ADAMTS20: variants seen among roughly 807,000 people sequenced by gnomAD.
ADAMTS20 encodes the protein ADAM metallopeptidase with thrombospondin type 1 motif 20.
A neutral mutation model predicts 260.1 loss-of-function variants in ADAMTS20; 225 were observed. That is an observed-to-expected ratio of 0.87 (90% confidence interval 0.78 to 0.97). The LOEUF is 0.97. Among genes scored for constraint, ADAMTS20 ranks in the 50% least tolerant of loss-of-function variants. The probability of loss-of-function intolerance (pLI) is 0.00; values close to 1 mark genes in which losing one functional copy is unlikely to be tolerated. For missense variants in ADAMTS20, 2,400 were observed against 2,337.7 expected (o/e 1.03, Z -0.55); for synonymous variants, 802 against 769.5 (o/e 1.04, Z -0.70).
At chr12:43,526,407 G>A (rs989478268) in intron 3 of ADAMTS20, among the ~76,000 whole-genome samples, 13 of 152,040 alleles carry the variant, frequency 8.6e-5, no homozygotes, top group Non-Finnish European at 1.5e-4. Context: ...GTGGTGAGCC[G>A]AGATCGTGCC....
Position 43,468,062 on chromosome 12 carries a change from T to C in ADAMTS20, c.1223+538A>G, listed in dbSNP as rs1377186454. On this transcript the variant is annotated intron_variant, in intron 8 of 38. Transcript: ENST00000389420. ...ATTCTTACAACACAGAACCCCAGCA[T>C]ATTTTTCAGTAATACAGGAAAAGGT... 3.3e-5 allele frequency among the ~76,000 whole-genome samples: 5 copies of C among 152,270 alleles called. No homozygotes were observed. The East Asian group carries it at 5.8e-4, about 18-fold the overall frequency.
rs1397567603 is a variant in ADAMTS20, at chr12:43,493,254, C to T, written c.868-1G>A. ...TTGGATCTTTGTAGATTGTTGCAAC[C>T]TGCATGTAAAAAAAATGTAGGATTA... On this transcript the variant is annotated splice_acceptor_variant, in intron 4 of 38. Coordinates refer to ENST00000389420, the MANE Select transcript of ADAMTS20 (RefSeq NM_025003.5). LOFTEE classifies it high-confidence loss of function. 4 of 1,537,776 alleles carry T rather than the reference C, an allele frequency of 2.6e-6. No homozygotes were observed. The highest frequency in any genetic ancestry group is 3.5e-6 in the Non-Finnish European group (4 of 1,140,384).
intron 28 of ADAMTS20, among the ~76,000 whole-genome samples, chr12:43,410,702 TA>T (rs1007726050): frequency 4.3e-4 from 65 of 152,184 alleles, no homozygotes; most frequent in African/African-American, 1.5e-3. Context: ...AGATTACTTC[TA>T]GGGGAGGAAA....
chr12:43,472,196 C>G (rs916003056), intron 7 of ADAMTS20, among the ~76,000 whole-genome samples: 19 of 148,022 alleles, frequency 1.3e-4, no homozygotes, highest in African/African-American at 4.7e-4. Flanking sequence ...AATGCAGAAG[C>G]CTCAGGAGCC....
At chr12:43,440,682 A>G (rs1236157793) in intron 16 of ADAMTS20, among the ~76,000 whole-genome samples, 1 of 152,216 alleles carries the variant, frequency 6.6e-6, no homozygotes, top group Non-Finnish European at 1.5e-5. Flanking sequence ...GAAAGCAGAA[A>G]GAAGTCATGA....
intron 11 of ADAMTS20, among the ~76,000 whole-genome samples, chr12:43,458,949 C>G (rs1216255419): frequency 6.6e-6 from 1 of 152,052 alleles, no homozygotes; most frequent in Non-Finnish European, 1.5e-5. Flanking sequence ...GCTAATTAGG[C>G]AAAAACAGGA....
At chr12:43,409,173 CAAT>C (rs927454112) in intron 28 of ADAMTS20, among the ~76,000 whole-genome samples, 50 of 151,716 alleles carry the variant, frequency 3.3e-4, no homozygotes, top group South Asian at 8.3e-4. Context: ...GACACTAAAA[CAAT>C]AAGAATGCAA....
In ADAMTS20 at chr12:43,508,047, T is replaced by G. The variant is rs115010857; in HGVS notation, c.614-5642A>C. Among the ~76,000 whole-genome samples, 619 of 152,186 alleles carry G rather than the reference T, an allele frequency of 4.1e-3. 2 individuals are homozygous for G. The highest frequency in any genetic ancestry group is 0.014 in the African/African-American group (582 of 41,514). ...AAAAATAATTATTGGGTACTGGGCT[T>G]AGTACCTGGGTGATGAAATAATCTG... On this transcript the variant is annotated intron_variant, in intron 3 of 38. Coordinates refer to ENST00000389420, the MANE Select transcript of ADAMTS20 (RefSeq NM_025003.5).
In ADAMTS20 at chr12:43,490,411, C is replaced by A; in HGVS notation, c.1101G>T (p.Glu367Asp). ...ITREDICSSK[E>D]KCNMLGLSYL... ...ATAACTTACCTAACATGTTACATTT[C>A]TCTTTAGATGAACAAATGTCTTCCC... The change falls in exon 7 of 39, where the codon GAG becomes GAT. Residue 367 changes from glutamate (E) to aspartate (D), a missense_variant. By Grantham distance (45) the Glu-to-Asp change is conservative. Coordinates refer to ENST00000389420, the MANE Select transcript of ADAMTS20 (RefSeq NM_025003.5). 1.5e-6 allele frequency: 2 copies of A among 1,293,246 alleles called. No individual in the cohort carries two copies. Among genetic ancestry groups the A allele is most frequent in the Admixed American group, 3.1e-5 (1 of 32,780 alleles). The allele number at this position is 1,293,246 out of a possible 1,614,324, so 80.1% of individuals were successfully genotyped here.
intron 31 of ADAMTS20, among the ~76,000 whole-genome samples, chr12:43,382,627 A>G (rs557999892): frequency 6.6e-6 from 1 of 152,286 alleles, no homozygotes; most frequent in African/African-American, 2.4e-5. Context: ...CATAGATGTT[A>G]GAATTAGATG....
chr12:43,392,102 T>C (rs1180385625), intron 29 of ADAMTS20, among the ~76,000 whole-genome samples: 1 of 152,128 alleles, frequency 6.6e-6, no homozygotes, highest in Non-Finnish European at 1.5e-5. Flanking sequence ...AAATATACAG[T>C]TTTTTGTGTA....
At chr12:43,550,869 TG>T in intron 2 of ADAMTS20, 39 bp downstream of exon 2, 1 of 1,491,626 alleles carries the variant, frequency 6.7e-7, no homozygotes, top group Non-Finnish European at 8.9e-7. Context: ...AGCCCTTGCC[TG>T]GATCCCAAGA....
At position 43,438,979 on chromosome 12, in the gene ADAMTS20, CTTA is replaced by C. The variant is rs989949127; in HGVS notation, c.2593+640_2593+642del. Among the ~76,000 whole-genome samples, 28 of 152,130 alleles carry C rather than the reference CTTA, an allele frequency of 1.8e-4. 1 individual carries two copies. Among genetic ancestry groups the C allele is most frequent in the Non-Finnish European group, 4.0e-4 (27 of 68,032 alleles). Reference sequence around the variant, plus strand: ...TAAAACATGAATTCAGAATTGGGATCTTATTAATAATCTGAGCATATTCCCTCA... The same window carrying C: ...TAAAACATGAATTCAGAATTGGGATCTTAATAATCTGAGCATATTCCCTCA... On this transcript the variant is annotated intron_variant, in intron 18 of 38. Coordinates refer to ENST00000389420, the MANE Select transcript of ADAMTS20 (RefSeq NM_025003.5).
chr12:43,369,051 A>G (rs893701382), intron 37 of ADAMTS20, among the ~76,000 whole-genome samples: 3 of 152,162 alleles, frequency 2.0e-5, no homozygotes, highest in African/African-American at 7.2e-5. Context: ...ATAACACATT[A>G]TGGAAGAAGA....
At chr12:43,444,569 GCTC>G (rs1295079539) in intron 15 of ADAMTS20, among the ~76,000 whole-genome samples, 1 of 152,048 alleles carries the variant, frequency 6.6e-6, no homozygotes, top group Non-Finnish European at 1.5e-5. Context: ...CATTGGCACT[GCTC>G]AAAAGAGGAA....
In ADAMTS20 at chr12:43,428,260, C is replaced by T; in HGVS notation, c.3926G>A (p.Arg1309Lys). Residue 1309 changes from arginine (R) to lysine (K), a missense_variant, in exon 26 of 39, where the codon AGA becomes AAA. Transcript: ENST00000389420. ...GCTTACTGATCCCCATGGTCCGGTT[C>T]TCCACTGGTTTCCTCTGACTGATGG... ...VHPSVRGNQW[R>K]TGPWGSCSSS... The T allele has an allele frequency of 6.2e-7, 1 of 1,613,912 alleles. No homozygotes were observed. The highest frequency in any genetic ancestry group is 8.5e-7 in the Non-Finnish European group (1 of 1,179,844).
At chr12:43,499,745 C>T (rs1403163457) in intron 4 of ADAMTS20, among the ~76,000 whole-genome samples, 2 of 152,068 alleles carry the variant, frequency 1.3e-5, no homozygotes, top group Non-Finnish European at 2.9e-5. Flanking sequence ...CCTCATGATC[C>T]ACCCACCTTG....
chr12:43,538,191 T>G (rs565316986), intron 2 of ADAMTS20, among the ~76,000 whole-genome samples: 1 of 152,310 alleles, frequency 6.6e-6, no homozygotes, highest in African/African-American at 2.4e-5. Flanking sequence ...TATTGCCTGT[T>G]TTTTGGATAT....
At chr12:43,520,426 T>C (rs1280830021) in intron 3 of ADAMTS20, among the ~76,000 whole-genome samples, 3 of 151,962 alleles carry the variant, frequency 2.0e-5, no homozygotes, top group Non-Finnish European at 4.4e-5. Context: ...GGGAAACCAG[T>C]AACAACCAAG....
Sources: gnomAD v4.1 joint callset for allele counts (sites outside exome capture counted in the v4.1 genomes callset) on GRCh38, gnomAD v4.1.1 for gene constraint, MANE v1.5 for transcripts, NCBI Gene and HGNC (gene_info 2026-07-23, HGNC 2026-07-21) for gene names.